The following PCDHA3 variants were observed in gnomAD, a reference collection of about 807,000 sequenced individuals.
The protein encoded by PCDHA3 is protocadherin alpha 3, also known as protocadherin alpha-3.
In PCDHA3, 41 loss-of-function variants were observed where a neutral mutation model predicts 62.2. That is an observed-to-expected ratio of 0.66 (90% confidence interval 0.51 to 0.86). PCDHA3 has a LOEUF of 0.86. PCDHA3 is among the 40% of genes least tolerant of loss of function. The pLI is 0.00. For synonymous variants in PCDHA3, 640 were observed against 555.4 expected (o/e 1.15, Z -2.14); for missense variants, 1,304 against 1,241.2 (o/e 1.05, Z -0.76).
chr5:140,928,458 T>C lies in PCDHA3; in HGVS notation c.2395-50491T>C, dbSNP rs1030560254. On this transcript the variant is annotated intron_variant, in intron 1 of 3. Coordinates refer to ENST00000522353, the MANE Select transcript of PCDHA3 (RefSeq NM_018906.3). Reference sequence around the variant, plus strand: ...ACTTTGAGCAGCTCAGGGGGTTTCATTTCCAAGTAGAAGGCCGGGATGGTG... The same window carrying C: ...ACTTTGAGCAGCTCAGGGGGTTTCACTTCCAAGTAGAAGGCCGGGATGGTG... 3.1e-6 allele frequency: 5 copies of C among 1,614,048 alleles called. No homozygotes were observed. In the African/African-American group the frequency reaches 5.3e-5, roughly 17 times the overall value.
At chr5:140,922,547 G>A (rs1269163353) in intron 1 of PCDHA3, among the ~76,000 whole-genome samples, 2 of 152,192 alleles carry the variant, frequency 1.3e-5, no homozygotes, top group Non-Finnish European at 2.9e-5. Context: ...GGCAAGGTAA[G>A]GAGAAAAGTC....
chr5:140,819,134 G>T (rs1215831238), intron 1 of PCDHA3, among the ~76,000 whole-genome samples: 1 of 152,060 alleles, frequency 6.6e-6, no homozygotes, highest in East Asian at 1.9e-4. Context: ...CCTTATAATA[G>T]AATAAATTAA....
At chr5:140,849,614 T>C (rs2040994208) in intron 1 of PCDHA3, 1 of 1,598,700 alleles carries the variant, frequency 6.3e-7, no homozygotes, top group East Asian at 2.2e-5. Flanking sequence ...CCCTGATTAG[T>C]GTGATCGACC....
At chr5:140,859,390 C>A (rs911308831) in intron 1 of PCDHA3, 1 of 268,118 alleles carries the variant, frequency 3.7e-6, no homozygotes, top group Non-Finnish European at 6.7e-6. Context: ...CTCTAGTCAT[C>A]TTAAACAGGG....
intron 1 of PCDHA3, chr5:140,822,901 C>T (rs1554128945): frequency 6.2e-7 from 1 of 1,614,234 alleles, no homozygotes; most frequent in Non-Finnish European, 8.5e-7. Flanking sequence ...CGTGTCTGAC[C>T]GTGACTCAGG....
chr5:140,883,547 G>A (rs782704587), intron 1 of PCDHA3: 2 of 1,614,234 alleles, frequency 1.2e-6, no homozygotes, highest in Admixed American at 1.7e-5. Flanking sequence ...GGTGGTGACC[G>A]CGCGGGACGG....
chr5:140,980,455 C>T (rs1412427414), intron 2 of PCDHA3, among the ~76,000 whole-genome samples: 1 of 152,086 alleles, frequency 6.6e-6, no homozygotes, highest in African/African-American at 2.4e-5. Context: ...CACGGTGAAA[C>T]CCTGTCTCTA....
chr5:140,815,203 G>A (rs1390134437), intron 1 of PCDHA3: 1 of 152,036 alleles, frequency 6.6e-6, no homozygotes, highest in East Asian at 1.9e-4. Flanking sequence ...ATTATTGATA[G>A]GGCATAACTT....
intron 3 of PCDHA3, among the ~76,000 whole-genome samples, chr5:140,994,353 C>T (rs1321687113): frequency 6.6e-6 from 1 of 152,110 alleles, no homozygotes; most frequent in East Asian, 1.9e-4. Flanking sequence ...TGTGGGACCT[C>T]AGAAGATGGA....
At chr5:140,846,652 G>T (rs910062577) in intron 1 of PCDHA3, among the ~76,000 whole-genome samples, 4 of 149,138 alleles carry the variant, frequency 2.7e-5, no homozygotes, top group African/African-American at 9.8e-5. Context: ...GGGATTACAG[G>T]CATGAGCCAC....
At chr5:140,830,934 C>A in intron 1 of PCDHA3, 1 of 152,356 alleles carries the variant, frequency 6.6e-6, no homozygotes, top group Admixed American at 6.5e-5. Context: ...TCTGTCGACA[C>A]TTTTATTAAG....
rs781821131 is a variant in PCDHA3, at chr5:140,802,587, G to T, written c.1390G>T (p.Val464Leu). The T allele has an allele frequency of 1.2e-6, 2 of 1,614,126 alleles. No homozygotes were observed. The highest frequency in any genetic ancestry group is 1.7e-6 in the Non-Finnish European group (2 of 1,180,012). The part of the protein sequence containing the change: ...AFSQSEYTVF[V>L]KENNPPGCHI... The stretch of plus-strand genomic sequence containing the variant: ...CTCGCAGTCCGAGTACACGGTGTTC[G>T]TGAAGGAGAACAACCCGCCGGGCTG... Residue 464 changes from valine (V) to leucine (L), a missense_variant, in exon 1 of 4, where the codon GTG becomes TTG. Coordinates refer to ENST00000522353, the MANE Select transcript of PCDHA3 (RefSeq NM_018906.3).
rs2053060094 is a variant in PCDHA3, at chr5:140,871,409, T to A, written c.2394+67818T>A. The A allele has an allele frequency of 6.2e-7, 1 of 1,614,092 alleles. No individual in the cohort carries two copies. Among genetic ancestry groups the A allele is most frequent in the Non-Finnish European group, 8.5e-7 (1 of 1,179,968 alleles). The stretch of plus-strand genomic sequence containing the variant: ...GAGGGCCCACCTAAGACGGACCTCA[T>A]GGCCTTCAGCCCCAGTCTTCCTCTA... On this transcript the variant is annotated intron_variant, in intron 1 of 3. Transcript: ENST00000522353.
chr5:140,994,281 G>T (rs2097610222), intron 3 of PCDHA3, among the ~76,000 whole-genome samples: 1 of 152,144 alleles, frequency 6.6e-6, no homozygotes. Flanking sequence ...CCTTTCTTGA[G>T]ACAGTCCCCA....
rs75101825 is a variant in PCDHA3, at chr5:140,914,430, C to A, written c.2395-64519C>A. On this transcript the variant is annotated intron_variant, in intron 1 of 3. Coordinates refer to ENST00000522353, the MANE Select transcript of PCDHA3 (RefSeq NM_018906.3). ...TTTTGTTTCCATTAGCAAGGAATAT[C>A]TTTTCCCATGTCTTTATTTTCCAGT... Among the ~76,000 whole-genome samples the A allele has an allele frequency of 8.0e-3, 1,215 of 152,204 alleles. 6 individuals carry two copies. Among genetic ancestry groups the A allele is most frequent in the African/African-American group, 0.019 (784 of 41,536 alleles).
intron 1 of PCDHA3, among the ~76,000 whole-genome samples, chr5:140,948,785 G>T (rs2094304738): frequency 6.6e-6 from 1 of 151,242 alleles, no homozygotes; most frequent in South Asian, 2.1e-4. Flanking sequence ...TTTTGGCTTT[G>T]TTGATATATT....
chr5:140,804,849 T>G, intron 1 of PCDHA3: 1 of 488,352 alleles, frequency 2.0e-6, no homozygotes, highest in Non-Finnish European at 3.5e-6. Flanking sequence ...GTGTGGGAGG[T>G]CTAACACGTA....
chr5:140,856,716 G>T (rs1482820775), intron 1 of PCDHA3: 1 of 1,596,628 alleles, frequency 6.3e-7, no homozygotes, highest in Admixed American at 1.7e-5. Context: ...GAATTTACCG[G>T]ATCTGTTTCT....
intron 1 of PCDHA3, among the ~76,000 whole-genome samples, chr5:140,906,473 A>G (rs2072671241): frequency 6.6e-6 from 1 of 152,214 alleles, no homozygotes. Flanking sequence ...TCTTAGTACA[A>G]ATGTATAAAT....
Sources: allele counts gnomAD v4.1 joint callset (sites outside exome capture counted in the v4.1 genomes callset), GRCh38; gene constraint gnomAD v4.1.1; transcripts MANE v1.5; gene names NCBI Gene and HGNC (gene_info 2026-07-23, HGNC 2026-07-21).